Variants in DRGX observed in about 807,000 individuals in gnomAD.
DRGX encodes the protein dorsal root ganglia homeobox.
In DRGX, 21 loss-of-function variants were observed where a neutral mutation model predicts 28.6. The ratio of observed to expected loss-of-function variants is 0.73; its 90% confidence interval spans 0.52 to 1.06. The LOEUF (loss-of-function observed/expected upper bound fraction) is 1.06. DRGX is among the 50% of genes least tolerant of loss of function. DRGX has a pLI of 0.00. For synonymous variants in DRGX, 136 were observed against 139.1 expected (o/e 0.98, Z 0.16); for missense variants, 354 against 343.9 (o/e 1.03, Z -0.23).
intron 6 of DRGX, among the ~76,000 whole-genome samples, chr10:49,381,131 C>T (rs1849771927): frequency 6.6e-6 from 1 of 152,234 alleles, no homozygotes; most frequent in Non-Finnish European, 1.5e-5. Flanking sequence ...TCAGCTGCTT[C>T]AGAATTAAAG....
intron 6 of DRGX, among the ~76,000 whole-genome samples, chr10:49,384,979 C>T (rs1849815753): frequency 6.6e-6 from 1 of 152,170 alleles, no homozygotes; most frequent in Non-Finnish European, 1.5e-5. Flanking sequence ...GCAGACAGGG[C>T]TGGGTAGACA....
intron 6 of DRGX, among the ~76,000 whole-genome samples, chr10:49,375,869 C>A (rs573257513): frequency 6.6e-6 from 1 of 152,132 alleles, no homozygotes; most frequent in African/African-American, 2.4e-5. Flanking sequence ...AGCCAGAGCT[C>A]GGCATGGGCA....
chr10:49,366,375 G>A lies in DRGX; in HGVS notation c.533C>T (p.Pro178Leu), dbSNP rs1250369704. Residue 178 changes from proline to leucine, a missense_variant, in exon 7 of 7, where the codon CCA becomes CTA. Coordinates refer to ENST00000374139, the MANE Select transcript of DRGX (RefSeq NM_001276451.2). ...LSHVASLKGGPLCSCCVPDPM... is the reference protein window; with the variant it reads ...LSHVASLKGGLLCSCCVPDPM... ...GTCTGGGACGCAGCAAGAGCACAGT[G>A]GGCCCCCTGGAAAAGGAAAAACAAC... The A allele has an allele frequency of 1.3e-6, 2 of 1,598,954 alleles. No individual in the cohort carries two copies. The highest frequency in any genetic ancestry group is 2.2e-5 in the South Asian group (2 of 90,310).
chr10:49,379,797 A>G (rs1849754808), intron 6 of DRGX, among the ~76,000 whole-genome samples: 1 of 152,222 alleles, frequency 6.6e-6, no homozygotes, highest in African/African-American at 2.4e-5. Flanking sequence ...GTGCCATTGC[A>G]TGCCTGCACC....
At chr10:49,389,294 A>G (rs1346519197) in intron 4 of DRGX, among the ~76,000 whole-genome samples, 1 of 152,186 alleles carries the variant, frequency 6.6e-6, no homozygotes, top group Non-Finnish European at 1.5e-5. Context: ...AGATACTAAC[A>G]TGACCCAGGG....
rs773212963 is a variant in DRGX, at chr10:49,366,301, T to A, written c.607A>T (p.Thr203Ser). 6 of 1,613,826 alleles carry A rather than the reference T, an allele frequency of 3.7e-6. No individual in the cohort carries two copies. The South Asian group carries it at 6.6e-5, about 18-fold the overall frequency. Reference protein sequence around the residue: ...LPTYGCQSNRTASVATLRMKA... With the variant: ...LPTYGCQSNRSASVATLRMKA... ...ATGCGCAGGGTGGCCACGCTGGCCG[T>A]GCGGTTACTCTGGCAGCCATAGGTG... The change falls in exon 7 of 7, where the codon ACG (threonine) becomes TCG (serine). Residue 203 changes from threonine to serine, a missense_variant. Coordinates refer to ENST00000374139, the MANE Select transcript of DRGX (RefSeq NM_001276451.2).
rs1564703070 is a variant in DRGX, at chr10:49,365,404, C to T, written c.*712G>A. On this transcript the variant is annotated 3_prime_UTR_variant, in exon 7 of 7. Transcript: ENST00000374139. ...ACAGGGGCCACACTAGTTCCACACCCACAGTGTCAAGACAGCAGCCCCCAG... is the reference window on the plus strand; with the variant it reads ...ACAGGGGCCACACTAGTTCCACACCTACAGTGTCAAGACAGCAGCCCCCAG... 6.6e-6 allele frequency: 1 copy of T among 152,426 alleles called. No homozygotes were observed. Among genetic ancestry groups the T allele is most frequent in the Middle Eastern group, 3.4e-3 (1 of 296 alleles). The allele number at this position is 152,426 out of a possible 1,614,324, so 9.4% of individuals were successfully genotyped here.
intron 2 of DRGX, among the ~76,000 whole-genome samples, chr10:49,393,538 C>T (rs895357906): frequency 9.9e-5 from 15 of 152,116 alleles, no homozygotes; most frequent in Non-Finnish European, 1.3e-4. Context: ...GATTATGAGC[C>T]TTTCTTTCTT....
At chr10:49,379,383 A>G (rs1849749939) in intron 6 of DRGX, among the ~76,000 whole-genome samples, 1 of 152,238 alleles carries the variant, frequency 6.6e-6, no homozygotes, top group Admixed American at 6.5e-5. Context: ...TTTCTAATGA[A>G]TATTCTATTT....
chr10:49,370,873 C>T (rs1849651828), intron 6 of DRGX, among the ~76,000 whole-genome samples: 1 of 152,220 alleles, frequency 6.6e-6, no homozygotes, highest in Non-Finnish European at 1.5e-5. Flanking sequence ...ACTTCACTGC[C>T]ATCCCACAGG....
intron 6 of DRGX, among the ~76,000 whole-genome samples, chr10:49,367,407 G>T (rs923461131): frequency 5.3e-5 from 8 of 152,032 alleles, no homozygotes; most frequent in African/African-American, 1.9e-4. Context: ...GAAAAGAAAA[G>T]AAAAACATTA....
intron 6 of DRGX, among the ~76,000 whole-genome samples, chr10:49,385,729 C>T (rs571944260): frequency 6.6e-6 from 1 of 152,112 alleles, no homozygotes; most frequent in Non-Finnish European, 1.5e-5. Context: ...CAGCCTGCAC[C>T]TATGCCTCCA....
rs1436386721 is a variant in DRGX at position 49,365,675 on chromosome 10, T to C, written c.*441A>G. On this transcript the variant is annotated 3_prime_UTR_variant, in exon 7 of 7. Coordinates refer to ENST00000374139, the MANE Select transcript of DRGX (RefSeq NM_001276451.2). ...CTTGGGGTTCCACCAGTTCCCCAGTTCTTAAACACTGTAAGCGGGACAGGC... is the reference window on the plus strand; with the variant it reads ...CTTGGGGTTCCACCAGTTCCCCAGTCCTTAAACACTGTAAGCGGGACAGGC... The C allele has an allele frequency of 6.4e-6, 1 of 157,006 alleles. No individual in the cohort carries two copies. Among genetic ancestry groups the C allele is most frequent in the East Asian group, 1.9e-4 (1 of 5,338 alleles). 9.7% of individuals were successfully genotyped at this position (157,006 alleles called of 1,614,324 possible). A position where few individuals can be genotyped will look rare whatever the true frequency, so the allele number is the denominator to read the frequency against.
chr10:49,384,630 G>A (rs997436280), intron 6 of DRGX, among the ~76,000 whole-genome samples: 3 of 152,162 alleles, frequency 2.0e-5, no homozygotes, highest in Non-Finnish European at 4.4e-5. Context: ...TTGTGGCCAC[G>A]TTCACTCAGG....
chr10:49,376,925 A>G (rs891913334), intron 6 of DRGX, among the ~76,000 whole-genome samples: 1 of 152,126 alleles, frequency 6.6e-6, no homozygotes, highest in South Asian at 2.1e-4. Context: ...CTGAACTAGG[A>G]TTCTTGGTGG....
chr10:49,390,986 G>A (rs1005031280), intron 3 of DRGX, among the ~76,000 whole-genome samples, 178 bp downstream of exon 3: 3 of 152,202 alleles, frequency 2.0e-5, no homozygotes, highest in South Asian at 2.1e-4. Flanking sequence ...CAAGGTTAGC[G>A]TCATCTGCAT....
At chr10:49,391,327 C>G in intron 2 of DRGX, 66 bp from the exon 3 acceptor site, 1 of 1,371,700 alleles carries the variant, frequency 7.3e-7, no homozygotes, top group Non-Finnish European at 1.0e-6. Flanking sequence ...CCCCCAGACA[C>G]AGTTCAGAGG....
chr10:49,377,982 T>G (rs1388990229), intron 6 of DRGX, among the ~76,000 whole-genome samples: 1 of 152,122 alleles, frequency 6.6e-6, no homozygotes, highest in Non-Finnish European at 1.5e-5. Flanking sequence ...GCAAACCAAA[T>G]TCAGTAATAT....
chr10:49,385,583 G>T (rs1849823384), intron 6 of DRGX, among the ~76,000 whole-genome samples: 1 of 152,198 alleles, frequency 6.6e-6, no homozygotes, highest in African/African-American at 2.4e-5. Context: ...CTGTGTGTGT[G>T]TGTGTGTATG....
Sources: gnomAD v4.1 joint callset for allele counts (sites outside exome capture counted in the v4.1 genomes callset) on GRCh38, gnomAD v4.1.1 for gene constraint, MANE v1.5 for transcripts, NCBI Gene and HGNC (gene_info 2026-07-23, HGNC 2026-07-21) for gene names.